SPATS1: variants seen among roughly 807,000 people sequenced by gnomAD.
SPATS1 encodes spermatogenesis-associated serine-rich protein 1.
SPATS1 carries 23 observed loss-of-function variants against 33.6 expected under a neutral mutation model. The ratio of observed to expected loss-of-function variants is 0.68; its 90% confidence interval spans 0.49 to 0.97. The LOEUF (loss-of-function observed/expected upper bound fraction) is 0.97, where lower values mean the gene tolerates loss of function less well. Ranked by LOEUF, SPATS1 falls within the 50% of genes least tolerant of loss-of-function variation. SPATS1 has a pLI of 0.00. For missense variants in SPATS1, 327 were observed against 361.0 expected, an observed-to-expected ratio of 0.91 and a Z score of 0.76; for synonymous variants, 131 against 125.6, an observed-to-expected ratio of 1.04 and a Z score of -0.29.
chr6:44,369,878 T>TATATA (rs371918567), intron 6 of SPATS1, among the ~76,000 whole-genome samples, 173 bp from the exon 7 acceptor site: 3 of 55,788 alleles, frequency 5.4e-5, no homozygotes, highest in South Asian at 6.5e-4. Context: ...TCTCAAAACA[T>TATATA]ACATAAAATA....
intron 7 of SPATS1, among the ~76,000 whole-genome samples, chr6:44,371,321 G>C (rs1203468270): frequency 6.6e-6 from 1 of 151,724 alleles, no homozygotes; most frequent in Non-Finnish European, 1.5e-5. Flanking sequence ...AAAAAAGAGA[G>C]AGAAGTCGAT....
chr6:44,358,962 T>C (rs1226049258), intron 3 of SPATS1, among the ~76,000 whole-genome samples: 4 of 152,216 alleles, frequency 2.6e-5, no homozygotes, highest in Non-Finnish European at 5.9e-5. Flanking sequence ...AAAATGTTTT[T>C]TAAAGAAATG....
At chr6:44,373,061 T>C (rs1789721486) in intron 7 of SPATS1, among the ~76,000 whole-genome samples, 2 of 152,184 alleles carry the variant, frequency 1.3e-5, no homozygotes, top group South Asian at 4.1e-4. Flanking sequence ...ACCCTACACA[T>C]GTGTGTCTTA....
intron 2 of SPATS1, 165 bp downstream of exon 2, chr6:44,343,399 C>T (rs1787681812): frequency 2.5e-6 from 2 of 811,672 alleles, no homozygotes; most frequent in Non-Finnish European, 4.1e-6. Context: ...TGTGCTAACC[C>T]AAGATTTGAT....
rs1254407423 is a variant in SPATS1, at chr6:44,342,687, G to T, written c.-82G>T. ...TGTGGGAGAAGCAGGCGGCTGCGGTGTCCCTTTTGCCCTAGGCTCTCGGTT... is the reference window on the plus strand; with the variant it reads ...TGTGGGAGAAGCAGGCGGCTGCGGTTTCCCTTTTGCCCTAGGCTCTCGGTT... On this transcript the variant is annotated 5_prime_UTR_variant, in exon 1 of 9. Transcript: ENST00000674044. 6 of 457,570 alleles carry T rather than the reference G, an allele frequency of 1.3e-5. No individual in the cohort carries two copies. The highest frequency in any genetic ancestry group is 1.3e-5 in the Non-Finnish European group (3 of 227,946). The allele number at this position is 457,570 out of a possible 1,614,324, so 28.3% of individuals were successfully genotyped here.
At chr6:44,360,678 T>C (rs535582125) in intron 4 of SPATS1, 108 bp downstream of exon 4, 8 of 1,347,422 alleles carry the variant, frequency 5.9e-6, no homozygotes, top group African/African-American at 5.8e-5. Flanking sequence ...AAGCATTTGA[T>C]GTACTTTATC....
At chr6:44,369,046 G>C (rs988901470) in intron 6 of SPATS1, among the ~76,000 whole-genome samples, 1 of 151,834 alleles carries the variant, frequency 6.6e-6, no homozygotes. Context: ...ACAGGTGCCC[G>C]CCACCACACC....
chr6:44,365,052 G>A (rs1789164083), intron 5 of SPATS1, among the ~76,000 whole-genome samples: 1 of 152,130 alleles, frequency 6.6e-6, no homozygotes, highest in Non-Finnish European at 1.5e-5. Flanking sequence ...GCCTCCCAAA[G>A]TGCTGGGATT....
chr6:44,376,979 A>G (rs1408552942), intron 8 of SPATS1, 56 bp from the exon 9 acceptor site: 1 of 1,605,104 alleles, frequency 6.2e-7, no homozygotes, highest in African/African-American at 1.3e-5. Context: ...GTATTGATTG[A>G]GAATTGTTAG....
At chr6:44,364,712 CTCTT>C (rs1789133272) in intron 5 of SPATS1, among the ~76,000 whole-genome samples, 1 of 152,002 alleles carries the variant, frequency 6.6e-6, no homozygotes, top group Non-Finnish European at 1.5e-5. Context: ...TCTCTCCCCA[CTCTT>C]TCTTTCTTTT....
rs756115450 is a variant in SPATS1 at position 44,377,074 on chromosome 6, G to A, written c.*11G>A. 34 of 1,614,176 alleles carry A rather than the reference G, an allele frequency of 2.1e-5. No homozygotes were observed. Among genetic ancestry groups the A allele is most frequent in the Middle Eastern group, 1.6e-4 (1 of 6,062 alleles). ...CCAAGACAATCCTGAGCATAAACAG[G>A]CCCACAAAACATGTGCTGACTGCAC... is the stretch of plus-strand genomic sequence containing the variant. On this transcript the variant is annotated 3_prime_UTR_variant, in exon 9 of 9. Transcript: ENST00000674044.
At chr6:44,347,039 C>T (rs1206440272) in intron 2 of SPATS1, among the ~76,000 whole-genome samples, 1 of 152,194 alleles carries the variant, frequency 6.6e-6, no homozygotes, top group African/African-American at 2.4e-5. Flanking sequence ...GAATACTATG[C>T]AGCCATAAAA....
intron 2 of SPATS1, among the ~76,000 whole-genome samples, chr6:44,351,114 C>A (rs1788205323): frequency 9.6e-6 from 1 of 104,298 alleles, no homozygotes. Flanking sequence ...CAGAGTGAGA[C>A]TCTGTGTCAA....
At chr6:44,359,898 A>T (rs1788802914) in intron 3 of SPATS1, among the ~76,000 whole-genome samples, 1 of 152,092 alleles carries the variant, frequency 6.6e-6, no homozygotes, top group South Asian at 2.1e-4. Flanking sequence ...GCTGAATAAT[A>T]TTCCATTGTA....
chr6:44,364,928 T>C (rs1215355756), intron 5 of SPATS1, among the ~76,000 whole-genome samples: 1 of 152,052 alleles, frequency 6.6e-6, no homozygotes, highest in Non-Finnish European at 1.5e-5. Flanking sequence ...CTCCTGGGAT[T>C]ACAGGCATGT....
At chr6:44,356,401 CCTAA>C (rs930517602) in intron 3 of SPATS1, among the ~76,000 whole-genome samples, 19 of 152,274 alleles carry the variant, frequency 1.2e-4, no homozygotes, top group Middle Eastern at 3.4e-3. Context: ...AACTAATCAC[CCTAA>C]CTTAGTTACT....
chr6:44,351,048 C>G (rs1788199353), intron 2 of SPATS1, among the ~76,000 whole-genome samples: 1 of 146,120 alleles, frequency 6.8e-6, no homozygotes, highest in African/African-American at 2.5e-5. Flanking sequence ...CACCTGAACC[C>G]AGAGGCGGAG....
In SPATS1 at chr6:44,370,054, G is replaced by A. The variant is rs115704403; in HGVS notation, c.699G>A (p.Val233=). The change falls in exon 7 of 9, where the codon GTG becomes GTA. Residue 233 remains valine, a synonymous_variant. Transcript: ENST00000674044. ...SMLPPVNFSI[V]PYEKKFDTFI... ...GATTGCCTTTTCTGTTTTTCAGAGT[G>A]CCTTATGAAAAGAAATTTGATACAT... The A allele has an allele frequency of 1.9e-3, 3,104 of 1,611,372 alleles. 16 individuals carry two copies. The highest frequency in any genetic ancestry group is 6.1e-3 in the Middle Eastern group (37 of 6,030).
At chr6:44,364,750 T>C (rs1789138342) in intron 5 of SPATS1, among the ~76,000 whole-genome samples, 1 of 151,550 alleles carries the variant, frequency 6.6e-6, no homozygotes, top group Admixed American at 6.6e-5. Flanking sequence ...TTTCTTTCTG[T>C]CTTTCTTTCT....
Sources: gnomAD v4.1 joint callset for allele counts (sites outside exome capture counted in the v4.1 genomes callset) on GRCh38, gnomAD v4.1.1 for gene constraint, MANE v1.5 for transcripts, NCBI Gene and HGNC (gene_info 2026-07-23, HGNC 2026-07-21) for gene names.